OTX1: variants seen among roughly 807,000 people sequenced by gnomAD.
OTX1 encodes the protein homeobox protein OTX1.
A neutral mutation model predicts 26.7 loss-of-function variants in OTX1; 7 were observed. The ratio of observed to expected loss-of-function variants is 0.26; its 90% CI spans 0.15 to 0.49. The LOEUF (loss-of-function observed/expected upper bound fraction) is 0.49, where lower values mean the gene tolerates loss of function less well. Among genes scored for constraint, OTX1 ranks in the 20% least tolerant of loss-of-function variants. The pLI is 0.98. For missense variants in OTX1, 414 were observed against 483.8 expected, an observed-to-expected ratio of 0.86 and a Z score of 1.35; for synonymous variants, 216 against 212.8, an observed-to-expected ratio of 1.01 and a Z score of -0.13.
In OTX1 at chr2:63,053,038, C is replaced by T. The variant is rs1395850355; in HGVS notation, c.48C>T (p.Gly16=). The T allele has an allele frequency of 1.2e-6, 2 of 1,606,428 alleles. No individual in the cohort carries two copies. The highest frequency in any genetic ancestry group is 1.7e-6 in the Non-Finnish European group (2 of 1,177,190). The change falls in exon 3 of 5, where the codon GGC becomes GGT. Residue 16 remains glycine (G), a synonymous_variant. Transcript: ENST00000282549. ...CCCCATACGGCATGAACGGGCTGGG[C>T]CTGGCCGGGCCCGCCATGGACCTCC... ...KQPPYGMNGL[G]LAGPAMDLLH...
Position 63,055,918 on chromosome 2 carries a change from A to G in OTX1, c.667A>G (p.Met223Val), listed in dbSNP as rs746928964. 1.2e-6 allele frequency: 2 copies of G among 1,612,684 alleles called. No homozygotes were observed. Among genetic ancestry groups the G allele is most frequent in the Middle Eastern group, 1.6e-4 (1 of 6,062 alleles). ...GAATAAASYP[M>V]SYGQGGSYGQ... is the part of the protein sequence containing the mutation. ...CGCCACCGCAGCAGCCTCTTATCCC[A>G]TGTCCTACGGCCAGGGCGGCAGCTA... The change falls in exon 5 of 5, where the codon ATG (methionine) becomes GTG (valine). Residue 223 changes from methionine (M) to valine (V), a missense_variant. By Grantham distance (21) the Met-to-Val change is conservative (BLOSUM62 1). Around this residue, in one of 3 missense-constraint regions of OTX1, gnomAD observed 320 missense variants for 347.9 expected, o/e 0.92. Coordinates refer to ENST00000282549, the MANE Select transcript of OTX1 (RefSeq NM_014562.4). The surrounding 1 kb of genome is among the most constrained non-coding windows in gnomAD (Gnocchi z 5.2).
chr2:63,056,606 T>A lies in OTX1; in HGVS notation c.*290T>A. ...TTCCCCCCTTCAGCCCCTACTAAAC[T>A]CTTAAGCCTCCCCTTCCAGTCTTTC... is the stretch of plus-strand genomic sequence containing the variant. On this transcript the variant is annotated 3_prime_UTR_variant, in exon 5 of 5. Coordinates refer to ENST00000282549, the MANE Select transcript of OTX1 (RefSeq NM_014562.4). 1 of 452,478 alleles carries A rather than the reference T, an allele frequency of 2.2e-6. No individual in the cohort carries two copies. Among genetic ancestry groups the A allele is most frequent in the African/African-American group, 1.9e-5 (1 of 51,618 alleles). 28.0% of individuals were successfully genotyped at this position (452,478 alleles called of 1,614,324 possible).
rs762746251 is a variant in OTX1, at chr2:63,055,566, C to A, written c.315C>A (p.Ser105Arg). ...AGCAGAGCGGGAGCGGAACCAAGAG[C>A]CGCCCAGCCAAGAAGAAGTCCTCTC... ...QQQQSGSGTK[S>R]RPAKKKSSPV... The change falls in exon 5 of 5, where the codon AGC (serine) becomes AGA (arginine). Residue 105 changes from serine to arginine, a missense_variant. By Grantham distance (110) the Ser-to-Arg change is moderately radical. Coordinates refer to ENST00000282549, the MANE Select transcript of OTX1 (RefSeq NM_014562.4). The surrounding 1 kb of genome is among the most constrained non-coding windows in gnomAD (Gnocchi z 5.2). 2 of 1,614,170 alleles carry A rather than the reference C, an allele frequency of 1.2e-6. No individual in the cohort carries two copies. The highest frequency in any genetic ancestry group is 2.2e-5 in the South Asian group (2 of 91,082).
chr2:63,053,315 C>A, intron 3 of OTX1: 1 of 440,342 alleles, frequency 2.3e-6, no homozygotes, highest in Non-Finnish European at 4.0e-6. Context: ...CCTTCCCGGC[C>A]GGATCACCGG....
At chr2:63,053,677 C>A in intron 3 of OTX1, 1 of 211,500 alleles carries the variant, frequency 4.7e-6, no homozygotes, top group Non-Finnish European at 9.3e-6. Context: ...TTTCTGCCTA[C>A]CTCTTCCCCA....
Position 63,055,638 on chromosome 2 carries a change from G to T in OTX1, c.387G>T (p.Pro129=). 3 of 1,614,124 alleles carry T rather than the reference G, an allele frequency of 1.9e-6. No homozygotes were observed. Among genetic ancestry groups the T allele is most frequent in the South Asian group, 1.1e-5 (1 of 91,086 alleles). Residue 129 remains proline, a synonymous_variant, in exon 5 of 5, where the codon CCG becomes CCT. Transcript: ENST00000282549. The surrounding 1 kb of genome is among the most constrained non-coding windows in gnomAD (Gnocchi z 5.2). ...CCGAAAGCAGTGGCCAATTCACGCCGCCAGCTGTGTCCAGCTCTGCCTCGT... is the reference window on the plus strand; with the variant it reads ...CCGAAAGCAGTGGCCAATTCACGCCTCCAGCTGTGTCCAGCTCTGCCTCGT... ...SGSESSGQFT[P]PAVSSSASSS...
chr2:63,057,561 C>G lies in OTX1; in HGVS notation c.*1245C>G, dbSNP rs1559120582. 6.6e-6 allele frequency: 1 copy of G among 152,254 alleles called. No homozygotes were observed. Among genetic ancestry groups the G allele is most frequent in the South Asian group, 2.1e-4 (1 of 4,834 alleles). 9.4% of individuals were successfully genotyped at this position (152,254 alleles called of 1,614,324 possible). Reference sequence around the variant, plus strand: ...AACAAACAAACCCAGGCCCCAAACCCAGTTCCAACTCCTCTGTCGGCTTCT... The same window carrying G: ...AACAAACAAACCCAGGCCCCAAACCGAGTTCCAACTCCTCTGTCGGCTTCT... On this transcript the variant is annotated 3_prime_UTR_variant, in exon 5 of 5. Transcript: ENST00000282549.
chr2:63,053,422 A>G (rs951782804), intron 3 of OTX1: 3 of 273,672 alleles, frequency 1.1e-5, no homozygotes, highest in African/African-American at 4.4e-5. Context: ...TTTTTCCCCA[A>G]CATGGAATGT....
chr2:63,050,229 C>T (rs2062013354), upstream of OTX1: 3 of 152,168 alleles, frequency 2.0e-5, no homozygotes, highest in Admixed American at 2.0e-4. Context: ...GATCTGCACG[C>T]CCGGAGCTGC....
At position 63,052,944 on chromosome 2, in the gene OTX1, C is replaced by T. The variant is rs752834841; in HGVS notation, c.-47C>T. The T allele has an allele frequency of 5.8e-5, 78 of 1,346,200 alleles. No individual in the cohort carries two copies. In the Middle Eastern group the frequency reaches 7.2e-4, roughly 12 times the overall value. The allele number at this position is 1,346,200 out of a possible 1,614,324, so 83.4% of individuals were successfully genotyped here. A position where few individuals can be genotyped will look rare whatever the true frequency, so the allele number is the denominator to read the frequency against. On this transcript the variant is annotated 5_prime_UTR_variant, in exon 3 of 5. Coordinates refer to ENST00000282549, the MANE Select transcript of OTX1 (RefSeq NM_014562.4). ...GGTGGGAGCCCTGCACCGCTCCTGGCCCCGGGCCCCCTGGATCCGTCGGGG... is the reference window on the plus strand; with the variant it reads ...GGTGGGAGCCCTGCACCGCTCCTGGTCCCGGGCCCCCTGGATCCGTCGGGG...
chr2:63,055,731 C>A lies in OTX1; in HGVS notation c.480C>A (p.Asn160Lys). ...CAGCGGCTGCGGGACTAGGTGGGAA[C>A]CCGGTGGCGGCCGCGTCGTCGCTGA... The part of the protein sequence containing the change: ...AAAAAAGLGG[N>K]PVAAASSLST... Residue 160 changes from asparagine (N) to lysine (K), a missense_variant, in exon 5 of 5, where the codon AAC becomes AAA. Physicochemically the swap from Asn to Lys is moderately conservative, Grantham distance 94. Around this residue, in one of 3 missense-constraint regions of OTX1, gnomAD observed 320 missense variants for 347.9 expected, o/e 0.92. Coordinates refer to ENST00000282549, the MANE Select transcript of OTX1 (RefSeq NM_014562.4). This position sits in a 1 kb window ranked among gnomAD's most constrained non-coding sequence, Gnocchi z 5.2. 1.2e-6 allele frequency: 2 copies of A among 1,612,784 alleles called. No individual in the cohort carries two copies. Among genetic ancestry groups the A allele is most frequent in the Non-Finnish European group, 1.7e-6 (2 of 1,179,698 alleles).
chr2:63,053,904 C>A (rs913263497), intron 3 of OTX1, 143 bp from the exon 4 acceptor site: 32 of 958,016 alleles, frequency 3.3e-5, no homozygotes, highest in Non-Finnish European at 4.5e-5. Context: ...CAGGCTCGGC[C>A]GCCCGAGGGA....
intron 4 of OTX1, 144 bp downstream of exon 4, chr2:63,054,342 T>A: frequency 1.3e-6 from 1 of 777,964 alleles, no homozygotes; most frequent in South Asian, 3.3e-5. Context: ...GGACTCCCCC[T>A]AGCGCTGGGC....
In OTX1 at chr2:63,055,560, C is replaced by G; in HGVS notation, c.309C>G (p.Thr103=). 1 of 1,614,188 alleles carries G rather than the reference C, an allele frequency of 6.2e-7. No homozygotes were observed. Among genetic ancestry groups the G allele is most frequent in the South Asian group, 1.1e-5 (1 of 91,086 alleles). ...CRQQQQSGSG[T]KSRPAKKKSS... The stretch of plus-strand genomic sequence containing the variant: ...AGCAGCAGCAGAGCGGGAGCGGAAC[C>G]AAGAGCCGCCCAGCCAAGAAGAAGT... The change falls in exon 5 of 5, where the codon ACC becomes ACG. Residue 103 remains threonine, a synonymous_variant. Transcript: ENST00000282549. The surrounding 1 kb of genome is among the most constrained non-coding windows in gnomAD (Gnocchi z 5.2).
Position 63,054,215 on chromosome 2 carries a change from C to A in OTX1, c.249+17C>A. On this transcript the variant is annotated intron_variant, in intron 4 of 4. Transcript: ENST00000282549. ...AGAGTCCAGGTGCGCACTCCCCGGG[C>A]TCCAGGGTCTGGGTAGGGGAGCTGA... 1 of 1,573,140 alleles carries A rather than the reference C, an allele frequency of 6.4e-7. No homozygotes were observed. Among genetic ancestry groups the A allele is most frequent in the Non-Finnish European group, 8.6e-7 (1 of 1,158,336 alleles).
Position 63,055,973 on chromosome 2 carries a change from C to T in OTX1, c.722C>T (p.Ser241Phe). The T allele has an allele frequency of 6.2e-7, 1 of 1,613,738 alleles. No homozygotes were observed. Among genetic ancestry groups the T allele is most frequent in the Non-Finnish European group, 8.5e-7 (1 of 1,180,036 alleles). The change falls in exon 5 of 5, where the codon TCC (serine) becomes TTC (phenylalanine). Residue 241 changes from serine (S) to phenylalanine (F), a missense_variant. Physicochemically the swap from Ser to Phe is radical, Grantham distance 155. Around this residue, in one of 3 missense-constraint regions of OTX1, gnomAD observed 320 missense variants for 347.9 expected, o/e 0.92. Coordinates refer to ENST00000282549, the MANE Select transcript of OTX1 (RefSeq NM_014562.4). This position sits in a 1 kb window ranked among gnomAD's most constrained non-coding sequence, Gnocchi z 5.2. ...CAAGGCTACCCTACGCCCTCCTCTT[C>T]CTACTTTGGCGGCGTGGACTGCAGC... is the stretch of plus-strand genomic sequence containing the variant. Reference protein sequence around the residue: ...YGQGYPTPSSSYFGGVDCSSY... With the variant: ...YGQGYPTPSSFYFGGVDCSSY...
Position 63,053,940 on chromosome 2 carries a change from TC to T in OTX1, c.98-106del, listed in dbSNP as rs780412691. On this transcript the variant is annotated intron_variant, in intron 3 of 4. Coordinates refer to ENST00000282549, the MANE Select transcript of OTX1 (RefSeq NM_014562.4). ...GTTTCTTTTATTCCCAGTTCGGCTT[TC>T]TTTTGCGAAGGCCGAGATCTGGGCC... 17 of 1,335,476 alleles carry T rather than the reference TC, an allele frequency of 1.3e-5. No homozygotes were observed. In the Admixed American group the frequency reaches 2.6e-4, roughly 21 times the overall value. 82.7% of individuals were successfully genotyped at this position (1,335,476 alleles called of 1,614,324 possible). A position where few individuals can be genotyped will look rare whatever the true frequency, so the allele number is the denominator to read the frequency against.
chr2:63,053,247 A>T (rs965881864), intron 3 of OTX1, 160 bp downstream of exon 3: 1 of 536,316 alleles, frequency 1.9e-6, no homozygotes, highest in Non-Finnish European at 3.2e-6. Flanking sequence ...CTGCCGGCGC[A>T]TGGGGCAGAG....
In OTX1 at chr2:63,055,187, A is replaced by G. The variant is rs1253713712; in HGVS notation, c.250-314A>G. ...GAAGCAGCCAACAGCAGCAATTTAG[A>G]GATGGCAGAACTTCTGACTGGGCAG... is the stretch of plus-strand genomic sequence containing the variant. On this transcript the variant is annotated intron_variant, in intron 4 of 4. Transcript: ENST00000282549. The surrounding 1 kb of genome is among the most constrained non-coding windows in gnomAD (Gnocchi z 5.2). 6.6e-6 allele frequency among the ~76,000 whole-genome samples: 1 copy of G among 152,200 alleles called. No individual in the cohort carries two copies. The highest frequency in any genetic ancestry group is 2.4e-5 in the African/African-American group (1 of 41,436).
Sources: gnomAD v4.1 joint callset for allele counts (sites outside exome capture counted in the v4.1 genomes callset) on GRCh38, gnomAD v4.1.1 for gene constraint, gnomAD v4.1.1 regional missense constraint, Gnocchi (gnomAD v3.1) non-coding constraint, MANE v1.5 for transcripts, NCBI Gene and HGNC (gene_info 2026-07-23, HGNC 2026-07-21) for gene names.